Variants in BMERB1 observed in about 807,000 individuals in gnomAD.
BMERB1 encodes the protein bMERB domain containing 1.
BMERB1 carries 12 observed loss-of-function variants against 23.6 expected under a neutral mutation model. The ratio of observed to expected loss-of-function variants is 0.51; its 90% confidence interval spans 0.33 to 0.82. BMERB1 has a LOEUF of 0.82. Among genes scored for constraint, BMERB1 ranks in the 40% least tolerant of loss-of-function variants. BMERB1 has a pLI of 0.03. For missense variants in BMERB1, 247 were observed against 255.4 expected (o/e 0.97, Z 0.22); for synonymous variants, 122 against 96.6 (o/e 1.26, Z -1.54).
chr16:15,506,186 T>TC (rs1415422136), intron 1 of BMERB1, among the ~76,000 whole-genome samples: 1 of 151,058 alleles, frequency 6.6e-6, no homozygotes, highest in Non-Finnish European at 1.5e-5. Context: ...CTTTTTTCTT[T>TC]TATTTTTGAG....
intron 3 of BMERB1, among the ~76,000 whole-genome samples, chr16:15,570,062 T>A (rs867409226): frequency 6.6e-6 from 1 of 152,186 alleles, no homozygotes; most frequent in African/African-American, 2.4e-5. Context: ...ATCAGATCCC[T>A]TTCACTGTCC....
intron 4 of BMERB1, among the ~76,000 whole-genome samples, chr16:15,581,619 G>C (rs1168012348): frequency 2.0e-5 from 3 of 152,198 alleles, no homozygotes; most frequent in Admixed American, 2.0e-4. Flanking sequence ...TTCACATCCT[G>C]TCACTCCTGA....
chr16:15,472,344 G>C (rs937192554), intron 1 of BMERB1, among the ~76,000 whole-genome samples: 1 of 152,150 alleles, frequency 6.6e-6, no homozygotes, highest in Non-Finnish European at 1.5e-5. Flanking sequence ...GCTCACAGTG[G>C]GATGTTGAAG....
chr16:15,550,198 C>T lies in BMERB1; in HGVS notation c.231-17785C>T, dbSNP rs189929398. 3.8e-3 allele frequency among the ~76,000 whole-genome samples: 583 copies of T among 152,340 alleles called. 4 individuals are homozygous for T. Among genetic ancestry groups the T allele is most frequent in the African/African-American group, 0.013 (540 of 41,576 alleles). Reference sequence around the variant, plus strand: ...TCGTGATCCACCCCGCCTCGGCCTCCCGAAGTGCTGGGATTACAGGTGTGA... The same window carrying T: ...TCGTGATCCACCCCGCCTCGGCCTCTCGAAGTGCTGGGATTACAGGTGTGA... On this transcript the variant is annotated intron_variant, in intron 2 of 5. Transcript: ENST00000300006.
At chr16:15,496,966 G>A (rs573378185) in intron 1 of BMERB1, among the ~76,000 whole-genome samples, 1 of 152,310 alleles carries the variant, frequency 6.6e-6, no homozygotes, top group South Asian at 2.1e-4. Flanking sequence ...TGCTGGCTTT[G>A]AACATGAAGC....
At chr16:15,557,806 G>A (rs553355124) in intron 2 of BMERB1, among the ~76,000 whole-genome samples, 2 of 152,224 alleles carry the variant, frequency 1.3e-5, no homozygotes, top group Admixed American at 1.3e-4. Flanking sequence ...CAACACTTTC[G>A]GAGGCTGAGG....
intron 1 of BMERB1, among the ~76,000 whole-genome samples, chr16:15,448,218 G>C (rs949791910): frequency 3.3e-5 from 5 of 152,120 alleles, no homozygotes; most frequent in Non-Finnish European, 7.4e-5. Context: ...AGGCTTGTCT[G>C]GCAATGGTGA....
At chr16:15,513,413 C>A (rs994011729) in intron 1 of BMERB1, among the ~76,000 whole-genome samples, 1 of 152,056 alleles carries the variant, frequency 6.6e-6, no homozygotes, top group African/African-American at 2.4e-5. Flanking sequence ...CAGGCAGGAG[C>A]GCTCAAGGCA....
chr16:15,477,112 A>G (rs1173643362), intron 1 of BMERB1, among the ~76,000 whole-genome samples: 1 of 152,178 alleles, frequency 6.6e-6, no homozygotes, highest in African/African-American at 2.4e-5. Flanking sequence ...ATGAAGAAAT[A>G]CCTGAGACTG....
chr16:15,435,914 C>T (rs1209212045), intron 1 of BMERB1, among the ~76,000 whole-genome samples: 3 of 152,110 alleles, frequency 2.0e-5, no homozygotes, highest in Admixed American at 6.5e-5. Flanking sequence ...CACTGCCAAC[C>T]TCTTTCCTTT....
At chr16:15,509,335 T>TGGGGGGGGAGGGGGGG (rs2051631236) in intron 1 of BMERB1, among the ~76,000 whole-genome samples, 1 of 42,096 alleles carries the variant, frequency 2.4e-5, no homozygotes, top group Admixed American at 2.7e-4. Flanking sequence ...GGAAGGGGGG[T>TGGGGGGGGAGGGGGGG]GGGGGGGGAG....
intron 2 of BMERB1, among the ~76,000 whole-genome samples, chr16:15,552,715 C>T (rs933105180): frequency 4.6e-5 from 7 of 152,214 alleles, no homozygotes; most frequent in Admixed American, 6.5e-5. Context: ...GGTAGCTGGC[C>T]TATGTCTCAA....
At position 15,578,811 on chromosome 16, in the gene BMERB1, C is replaced by T. The variant is rs186375576; in HGVS notation, c.305-2406C>T. ...TTCTACCTTCATAATCTACTCACTT[C>T]CCAAAGGCCTCATTTCTTAATACTA... On this transcript the variant is annotated intron_variant, in intron 3 of 5. Coordinates refer to ENST00000300006, the MANE Select transcript of BMERB1 (RefSeq NM_033201.3). Among the ~76,000 whole-genome samples, 1,374 of 152,282 alleles carry T rather than the reference C, an allele frequency of 9.0e-3. 7 individuals are homozygous for T. Among genetic ancestry groups the T allele is most frequent in the South Asian group, 0.025 (119 of 4,822 alleles).
chr16:15,501,396 G>C (rs959095993), intron 1 of BMERB1, among the ~76,000 whole-genome samples: 2 of 141,470 alleles, frequency 1.4e-5, no homozygotes, highest in Non-Finnish European at 3.0e-5. Flanking sequence ...AGGTTCAAGC[G>C]ATTCTCCTGC....
At chr16:15,561,087 T>G (rs2030405813) in intron 2 of BMERB1, among the ~76,000 whole-genome samples, 1 of 148,326 alleles carries the variant, frequency 6.7e-6, no homozygotes, top group Non-Finnish European at 1.5e-5. Context: ...CCTGAGTAGC[T>G]GGGATTACAG....
Position 15,439,382 on chromosome 16 carries a change from G to A in BMERB1, c.106+4623G>A, listed in dbSNP as rs540724809. On this transcript the variant is annotated intron_variant, in intron 1 of 5. Transcript: ENST00000300006. The stretch of plus-strand genomic sequence containing the variant: ...TGAGATAATGTATATAATGCATTTA[G>A]CACAGGGCCTCACATGCTGAAAGCG... 2.6e-5 allele frequency among the ~76,000 whole-genome samples: 4 copies of A among 152,288 alleles called. No individual in the cohort carries two copies. In the East Asian group the frequency reaches 7.7e-4, roughly 29 times the overall value.
chr16:15,440,664 G>C (rs896600960), intron 1 of BMERB1, among the ~76,000 whole-genome samples: 1 of 151,928 alleles, frequency 6.6e-6, no homozygotes, highest in Non-Finnish European at 1.5e-5. Flanking sequence ...AGTAAAAAAC[G>C]ACCATCATTT....
intron 1 of BMERB1, among the ~76,000 whole-genome samples, chr16:15,509,336 G>T (rs886295675): frequency 1.3e-3 from 174 of 135,950 alleles, no homozygotes; most frequent in African/African-American, 4.4e-3. Context: ...GAAGGGGGGT[G>T]GGGGGGGAGA....
At chr16:15,512,012 CAAAAAAAAAAAAAA>C (rs57021793) in intron 1 of BMERB1, among the ~76,000 whole-genome samples, 1 of 61,148 alleles carries the variant, frequency 1.6e-5, no homozygotes, top group Admixed American at 3.2e-4. Flanking sequence ...GACTTGCTCT[CAAAAAAAAAAAAAA>C]AAAAAAAAAA....
Sources: allele counts gnomAD v4.1 joint callset (sites outside exome capture counted in the v4.1 genomes callset), GRCh38; gene constraint gnomAD v4.1.1; transcripts MANE v1.5; gene names NCBI Gene and HGNC (gene_info 2026-07-23, HGNC 2026-07-21).